Variants in UGGT2 observed in about 807,000 individuals in gnomAD.
UGGT2 encodes UDP-glucose:glycoprotein glucosyltransferase 2.
A neutral mutation model predicts 192.1 loss-of-function variants in UGGT2; 180 were observed. That is an observed-to-expected ratio of 0.94 (90% CI 0.83 to 1.06). The LOEUF is 1.06. Among genes scored for constraint, UGGT2 ranks in the 50% least tolerant of loss-of-function variants. UGGT2 has a pLI of 0.00. For synonymous variants in UGGT2, 580 were observed against 591.0 expected, an observed-to-expected ratio of 0.98 and a Z score of 0.27; for missense variants, 1,849 against 1,795.7, an observed-to-expected ratio of 1.03 and a Z score of -0.54.
At chr13:95,808,045 C>T (rs771691264) in intron 38 of UGGT2, among the ~76,000 whole-genome samples, 6 of 152,068 alleles carry the variant, frequency 3.9e-5, no homozygotes, top group Non-Finnish European at 5.9e-5. Context: ...GTTTGGGGGC[C>T]GATAGACACC....
chr13:95,993,856 A>G (rs1472808750), intron 7 of UGGT2, among the ~76,000 whole-genome samples: 2 of 152,106 alleles, frequency 1.3e-5, no homozygotes, highest in African/African-American at 4.8e-5. Flanking sequence ...ATAAACTTTC[A>G]CTTGTAAATA....
At chr13:95,910,387 G>C (rs7990333) in intron 20 of UGGT2, among the ~76,000 whole-genome samples, 10,473 of 152,146 alleles carry the variant, frequency 0.069, 653 homozygotes, top group African/African-American at 0.16. Flanking sequence ...ATAAAGGGAT[G>C]GAGGAAGATC....
chr13:95,960,434 A>C (rs1357386096), intron 12 of UGGT2, among the ~76,000 whole-genome samples: 3 of 152,176 alleles, frequency 2.0e-5, no homozygotes, highest in Non-Finnish European at 4.4e-5. Context: ...AAGCTTCAGC[A>C]GTGGACTAAA....
At chr13:95,887,811 C>G (rs943139733) in intron 26 of UGGT2, 81 bp downstream of exon 26, 5 of 829,276 alleles carry the variant, frequency 6.0e-6, no homozygotes, top group Non-Finnish European at 7.8e-6. Context: ...AAGAAAAAAC[C>G]AGGTCCAGTA....
intron 5 of UGGT2, 146 bp from the exon 6 acceptor site, chr13:95,999,453 T>C (rs2051728265): frequency 1.5e-6 from 1 of 685,154 alleles, no homozygotes; most frequent in African/African-American, 1.8e-5. Flanking sequence ...GGGGGTTGTT[T>C]ATATTGTCTC....
At chr13:95,943,242 C>G (rs1389716083) in intron 15 of UGGT2, among the ~76,000 whole-genome samples, 5 of 152,026 alleles carry the variant, frequency 3.3e-5, no homozygotes, top group African/African-American at 1.2e-4. Flanking sequence ...CCCCAAAATT[C>G]CACTTTGGTC....
rs564600999 is a variant in UGGT2, at chr13:95,821,804, T to C, written c.4528+11123A>G. On this transcript the variant is annotated intron_variant, in intron 38 of 38. Coordinates refer to ENST00000376747, the MANE Select transcript of UGGT2 (RefSeq NM_020121.4). ...TGGCTTGCAAGTTTTCCCAGCATCA[T>C]TTATTGAATAGGGTGACCTTTCCCC... is the stretch of plus-strand genomic sequence containing the variant. 3.9e-5 allele frequency among the ~76,000 whole-genome samples: 6 copies of C among 152,312 alleles called. No individual in the cohort carries two copies. The East Asian group carries it at 1.2e-3, about 29-fold the overall frequency.
At chr13:95,880,700 C>T (rs1178767290) in intron 27 of UGGT2, among the ~76,000 whole-genome samples, 1 of 152,166 alleles carries the variant, frequency 6.6e-6, no homozygotes, top group Non-Finnish European at 1.5e-5. Context: ...AATAAAATCT[C>T]GCATGACAGT....
chr13:95,982,562 G>C (rs1374291781), intron 10 of UGGT2, among the ~76,000 whole-genome samples: 2 of 152,188 alleles, frequency 1.3e-5, no homozygotes, highest in African/African-American at 4.8e-5. Flanking sequence ...ATGTAAATCA[G>C]ACACCGCCTC....
intron 38 of UGGT2, among the ~76,000 whole-genome samples, chr13:95,825,353 A>G (rs1885920838): frequency 6.6e-6 from 1 of 152,088 alleles, no homozygotes; most frequent in South Asian, 2.1e-4. Context: ...TGGCTGAGGG[A>G]GCTCTCAATT....
chr13:96,006,499 C>G (rs1216664208), intron 5 of UGGT2, among the ~76,000 whole-genome samples: 1 of 151,822 alleles, frequency 6.6e-6, no homozygotes, highest in Non-Finnish European at 1.5e-5. Flanking sequence ...GTGGTGTGTG[C>G]CTGTAATCCC....
At chr13:96,023,380 A>G (rs370050635) in intron 3 of UGGT2, among the ~76,000 whole-genome samples, 1 of 152,224 alleles carries the variant, frequency 6.6e-6, no homozygotes, top group African/African-American at 2.4e-5. Flanking sequence ...AATTCTATTA[A>G]AATTTTATGA....
At chr13:95,831,012 T>G (rs575894342) in intron 38 of UGGT2, among the ~76,000 whole-genome samples, 20 of 151,778 alleles carry the variant, frequency 1.3e-4, no homozygotes, top group Non-Finnish European at 2.9e-4. Flanking sequence ...ATCATTCTCA[T>G]CAAACTATCA....
At chr13:95,936,881 T>C in intron 17 of UGGT2, 43 bp downstream of exon 17, 1 of 1,417,204 alleles carries the variant, frequency 7.1e-7, no homozygotes, top group South Asian at 1.6e-5. Context: ...AAAACATCAT[T>C]TATAAATATT....
chr13:95,914,435 T>C (rs1430573175), intron 20 of UGGT2, among the ~76,000 whole-genome samples: 2 of 151,782 alleles, frequency 1.3e-5, no homozygotes, highest in Non-Finnish European at 2.9e-5. Context: ...CTATTTTGTT[T>C]TGACTTCAGT....
chr13:95,914,612 TAAAAAAAAAAAAAAAAAAAAAAAA>T (rs146990164), intron 20 of UGGT2, among the ~76,000 whole-genome samples: 1 of 81,024 alleles, frequency 1.2e-5, no homozygotes, highest in Non-Finnish European at 2.3e-5. Flanking sequence ...CCATCTCTAC[TAAAAAAAAAAAAAAAAAAAAAAAA>T]AAAAAAAAAA....
chr13:96,030,152 C>T (rs948894151), intron 2 of UGGT2, among the ~76,000 whole-genome samples: 1 of 152,212 alleles, frequency 6.6e-6, no homozygotes, highest in African/African-American at 2.4e-5. Flanking sequence ...GTGTTCCCTA[C>T]TCCCTGGCTA....
At chr13:95,886,661 G>A (rs915173689) in intron 26 of UGGT2, among the ~76,000 whole-genome samples, 1 of 152,202 alleles carries the variant, frequency 6.6e-6, no homozygotes, top group African/African-American at 2.4e-5. Flanking sequence ...GAGTCTTGAG[G>A]GACAATGAAT....
intron 12 of UGGT2, among the ~76,000 whole-genome samples, chr13:95,954,654 T>C (rs977814116): frequency 6.6e-6 from 1 of 152,212 alleles, no homozygotes; most frequent in African/African-American, 2.4e-5. Flanking sequence ...GCCTATAACC[T>C]GGAAGGCACC....
Sources: allele counts gnomAD v4.1 joint callset (sites outside exome capture counted in the v4.1 genomes callset), GRCh38; gene constraint gnomAD v4.1.1; transcripts MANE v1.5; gene names NCBI Gene and HGNC (gene_info 2026-07-23, HGNC 2026-07-21).